Variants in SPG11 observed in about 807,000 individuals in gnomAD.
SPG11 encodes the protein spatacsin.
A neutral mutation model predicts 274.0 loss-of-function variants in SPG11; 222 were observed. That is an observed-to-expected ratio of 0.81 (90% CI 0.73 to 0.91). The LOEUF (loss-of-function observed/expected upper bound fraction) is 0.91, where lower values mean the gene tolerates loss of function less well. SPG11 is among the 40% of genes least tolerant of loss of function. SPG11 has a pLI of 0.00. For synonymous variants in SPG11, 1,144 were observed against 1,039.7 expected (o/e 1.10, Z -1.93); for missense variants, 3,114 against 2,872.7 (o/e 1.08, Z -1.92).
chr15:44,568,170 G>A (rs945762099), intron 35 of SPG11, among the ~76,000 whole-genome samples: 3 of 152,222 alleles, frequency 2.0e-5, no homozygotes, highest in African/African-American at 7.2e-5. Context: ...ACTGTCTCCA[G>A]ATGGATAGAC....
chr15:44,644,488 G>A (rs2084549139), intron 7 of SPG11, among the ~76,000 whole-genome samples: 1 of 152,046 alleles, frequency 6.6e-6, no homozygotes, highest in Admixed American at 6.6e-5. Flanking sequence ...GCAAAAGCTG[G>A]AAGCACTCTC....
intron 7 of SPG11, among the ~76,000 whole-genome samples, chr15:44,634,116 G>C (rs1465790696): frequency 1.3e-5 from 2 of 152,112 alleles, no homozygotes; most frequent in Non-Finnish European, 2.9e-5. Flanking sequence ...TGGGATTACA[G>C]GTACAAGCCA....
rs2083139916 is a variant in SPG11 at position 44,599,879 on chromosome 15, G to A, written c.3686+588C>T. On this transcript the variant is annotated intron_variant, in intron 21 of 39. Transcript: ENST00000261866. ...TAATTCCCTTTTTTTAAAGTTCTGG[G>A]ATACATGTGCAGAACATGCAGGTTA... Among the ~76,000 whole-genome samples the A allele has an allele frequency of 2.0e-5, 3 of 151,994 alleles. No homozygotes were observed. The South Asian group carries it at 6.2e-4, about 32-fold the overall frequency.
At chr15:44,649,378 TGTTTTGCTAATTTAAAAAAATTTTTAA>T (rs1188464575) in intron 6 of SPG11, among the ~76,000 whole-genome samples, 1 of 152,160 alleles carries the variant, frequency 6.6e-6, no homozygotes, top group Non-Finnish European at 1.5e-5. Flanking sequence ...TTTAAAAAAC[TGTTTTGCTAATTTAAAAAAATTTTTAA>T]ATTGTTTTGT....
intron 20 of SPG11, among the ~76,000 whole-genome samples, chr15:44,604,853 G>A (rs866756799): frequency 3.4e-5 from 5 of 147,974 alleles, no homozygotes; most frequent in Admixed American, 6.8e-5. Flanking sequence ...GCATGAACCC[G>A]GGAGGCACAA....
chr15:44,651,113 T>G (rs1215750560), intron 6 of SPG11, among the ~76,000 whole-genome samples: 1 of 152,176 alleles, frequency 6.6e-6, no homozygotes, highest in Admixed American at 6.5e-5. Context: ...ATTCTGAATG[T>G]TTATAATCTT....
At chr15:44,621,708 C>A in intron 14 of SPG11, 51 bp downstream of exon 14, 1 of 1,517,772 alleles carries the variant, frequency 6.6e-7, no homozygotes, top group South Asian at 1.1e-5. Flanking sequence ...TATCAATACC[C>A]AATTTAATCC....
chr15:44,622,099 T>C, intron 13 of SPG11, 121 bp downstream of exon 13: 17 of 1,283,556 alleles, frequency 1.3e-5, no homozygotes, highest in Non-Finnish European at 1.9e-5. Context: ...TGATACAAGT[T>C]TTATCTCCAA....
chr15:44,629,062 C>T (rs1357421856), intron 9 of SPG11, among the ~76,000 whole-genome samples, 171 bp downstream of exon 9: 1 of 152,142 alleles, frequency 6.6e-6, no homozygotes, highest in East Asian at 1.9e-4. Context: ...GGTCTTTCTA[C>T]CAACTTTCTC....
At position 44,660,605 on chromosome 15, in the gene SPG11, T is replaced by G; in HGVS notation, c.269A>C (p.Glu90Ala). 1 of 1,614,072 alleles carries G rather than the reference T, an allele frequency of 6.2e-7. No homozygotes were observed. The highest frequency in any genetic ancestry group is 8.5e-7 in the Non-Finnish European group (1 of 1,180,006). ...TGGTGTGCTGCTGTTACGAGAATCC[T>G]CCCATAGAAAGCTAAGAAAAAAAGT... ...LEGPFWHFLW[E>A]DSRNSSTPTE... Residue 90 changes from glutamate (E) to alanine (A), a missense_variant, in exon 2 of 40, where the codon GAG (glutamate) becomes GCG (alanine). Coordinates refer to ENST00000261866, the MANE Select transcript of SPG11 (RefSeq NM_025137.4).
chr15:44,582,702 C>A (rs1335372800), intron 30 of SPG11, among the ~76,000 whole-genome samples: 3 of 151,558 alleles, frequency 2.0e-5, no homozygotes, highest in African/African-American at 7.3e-5. Context: ...ATGGGGAATT[C>A]AAGGCTGGTC....
Position 44,657,016 on chromosome 15 carries a change from A to T in SPG11, c.869+79T>A, listed in dbSNP as rs2084959317. 4.6e-6 allele frequency: 6 copies of T among 1,310,246 alleles called. No homozygotes were observed. In the East Asian group the frequency reaches 1.5e-4, roughly 33 times the overall value. 81.2% of individuals were successfully genotyped at this position (1,310,246 alleles called of 1,614,324 possible). ...GAAAAAGAAACACTAGTTAAAAAAA[A>T]AAAACTAACGAGGATATTTTTAACC... On this transcript the variant is annotated intron_variant, in intron 4 of 39. Transcript: ENST00000261866.
At chr15:44,566,598 T>C (rs1196002360) in intron 36 of SPG11, among the ~76,000 whole-genome samples, 1 of 152,190 alleles carries the variant, frequency 6.6e-6, no homozygotes, top group Non-Finnish European at 1.5e-5. Context: ...CCTGGATATA[T>C]AGGCTATAGA....
chr15:44,649,308 C>T (rs964017112), intron 6 of SPG11, among the ~76,000 whole-genome samples: 1 of 152,130 alleles, frequency 6.6e-6, no homozygotes, highest in South Asian at 2.1e-4. Flanking sequence ...AAGCAATCCT[C>T]CCACCTCAGC....
intron 30 of SPG11, 26 bp from the exon 31 acceptor site, chr15:44,575,067 G>GCT: frequency 6.2e-7 from 1 of 1,613,014 alleles, no homozygotes; most frequent in African/African-American, 1.3e-5. Flanking sequence ...AGTCTGAGGG[G>GCT]CTCTAAGCTG....
intron 25 of SPG11, among the ~76,000 whole-genome samples, chr15:44,595,815 A>G (rs934100517): frequency 1.3e-5 from 2 of 152,242 alleles, no homozygotes; most frequent in Non-Finnish European, 2.9e-5. Flanking sequence ...AGTGGTGGTC[A>G]GTCCACCAAA....
At chr15:44,661,979 C>T (rs890230672) in intron 1 of SPG11, among the ~76,000 whole-genome samples, 10 of 152,264 alleles carry the variant, frequency 6.6e-5, no homozygotes, top group Middle Eastern at 3.4e-3. Context: ...CATGAACTAG[C>T]ATATGAACGC....
chr15:44,607,906 T>C (rs2140998214), intron 19 of SPG11, among the ~76,000 whole-genome samples: 1 of 152,326 alleles, frequency 6.6e-6, no homozygotes, highest in South Asian at 2.1e-4. Context: ...AAGCTTTTGA[T>C]GAAAACAGCA....
chr15:44,630,544 A>T (rs910523395), intron 8 of SPG11, among the ~76,000 whole-genome samples: 5 of 152,310 alleles, frequency 3.3e-5, no homozygotes, highest in Admixed American at 3.3e-4. Flanking sequence ...GAAAGAGGAG[A>T]CCAAACTCTG....
Sources: allele counts gnomAD v4.1 joint callset (sites outside exome capture counted in the v4.1 genomes callset), GRCh38; gene constraint gnomAD v4.1.1; transcripts MANE v1.5; gene names NCBI Gene and HGNC (gene_info 2026-07-23, HGNC 2026-07-21).